The following SMOC2 variants were observed in gnomAD, a reference collection of about 807,000 sequenced individuals.
SMOC2 encodes the protein SPARC related modular calcium binding 2.
SMOC2 carries 39 observed loss-of-function variants against 61.4 expected under a neutral mutation model. The observed-to-expected ratio is 0.64, with a 90% CI of 0.49 to 0.83. SMOC2 has a LOEUF of 0.83. Among genes scored for constraint, SMOC2 ranks in the 40% least tolerant of loss-of-function variants. The pLI, the probability that SMOC2 is intolerant of heterozygous loss-of-function variation, is 0.00. For synonymous variants in SMOC2, 247 were observed against 239.9 expected, an observed-to-expected ratio of 1.03 and a Z score of -0.27; for missense variants, 556 against 592.9, an observed-to-expected ratio of 0.94 and a Z score of 0.65.
At chr6:168,567,801 T>C (rs1447860100) in intron 7 of SMOC2, among the ~76,000 whole-genome samples, 5 of 152,044 alleles carry the variant, frequency 3.3e-5, no homozygotes, top group Non-Finnish European at 5.9e-5. Flanking sequence ...ATTTAGTGCG[T>C]CTTCTCTTCA....
chr6:168,493,226 G>A (rs927469355), intron 1 of SMOC2, among the ~76,000 whole-genome samples: 17 of 152,010 alleles, frequency 1.1e-4, no homozygotes, highest in African/African-American at 1.9e-4. Context: ...TAGTAGAGAC[G>A]AGGTTCCACC....
chr6:168,599,508 T>TCACA (rs140540390), intron 8 of SMOC2, among the ~76,000 whole-genome samples: 12 of 54,570 alleles, frequency 2.2e-4, no homozygotes, highest in Non-Finnish European at 2.8e-4. Context: ...CCACTGACAC[T>TCACA]CACACACACA....
chr6:168,548,752 A>G (rs1784064880), intron 6 of SMOC2, among the ~76,000 whole-genome samples: 1 of 152,170 alleles, frequency 6.6e-6, no homozygotes, highest in African/African-American at 2.4e-5. Context: ...CACATATTGC[A>G]TTTTATAATG....
intron 1 of SMOC2, among the ~76,000 whole-genome samples, chr6:168,483,190 T>TACAC (rs748995842): frequency 6.6e-6 from 1 of 150,938 alleles, no homozygotes; most frequent in Non-Finnish European, 1.5e-5. Flanking sequence ...TACACACACA[T>TACAC]ACACACACAC....
intron 7 of SMOC2, among the ~76,000 whole-genome samples, chr6:168,579,486 A>C (rs1035185408): frequency 6.6e-6 from 1 of 152,238 alleles, no homozygotes; most frequent in Non-Finnish European, 1.5e-5. Context: ...CAAATATAAC[A>C]TCAGGTGACT....
intron 9 of SMOC2, among the ~76,000 whole-genome samples, chr6:168,625,140 C>T (rs1449581758): frequency 2.6e-5 from 4 of 152,220 alleles, no homozygotes; most frequent in South Asian, 4.1e-4. Flanking sequence ...CCCAAGGTCA[C>T]GAGATGCCTG....
At position 168,598,925 on chromosome 6, in the gene SMOC2, G is replaced by C; in HGVS notation, c.745G>C (p.Val249Leu). ...TGCGCACGGCGGCCTCTACAAGCCA[G>C]TGCAGTGCCACCCCTCCACGGGGTA... ...ECAHGGLYKP[V>L]QCHPSTGYCW... The change falls in exon 8 of 13, where the codon GTG becomes CTG. Residue 249 changes from valine (V) to leucine (L), a missense_variant. Coordinates refer to ENST00000356284, the MANE Select transcript of SMOC2 (RefSeq NM_001166412.2). 1 of 1,613,802 alleles carries C rather than the reference G, an allele frequency of 6.2e-7. No individual in the cohort carries two copies.
chr6:168,495,854 A>G (rs1057489146), intron 1 of SMOC2, among the ~76,000 whole-genome samples: 1 of 152,014 alleles, frequency 6.6e-6, no homozygotes, highest in African/African-American at 2.4e-5. Context: ...TGCACGGTTC[A>G]CCCACCCACA....
intron 9 of SMOC2, among the ~76,000 whole-genome samples, chr6:168,608,886 G>A (rs796575437): frequency 5.3e-5 from 8 of 152,252 alleles, no homozygotes; most frequent in African/African-American, 1.9e-4. Flanking sequence ...CAACATCTCA[G>A]AGACATGAAA....
intron 12 of SMOC2, among the ~76,000 whole-genome samples, chr6:168,666,112 G>GTATA (rs965489242): frequency 6.6e-6 from 1 of 152,122 alleles, no homozygotes; most frequent in African/African-American, 2.4e-5. Context: ...AATTATTTTT[G>GTATA]TATAATCAAG....
Position 168,667,957 on chromosome 6 carries a change from G to A in SMOC2, c.*1519G>A, listed in dbSNP as rs554413251. ...TTTCTGACCTTTGAATTTAATCATT[G>A]TTCTTAGATTAAAATAAAATATGCT... On this transcript the variant is annotated 3_prime_UTR_variant, in exon 13 of 13. Coordinates refer to ENST00000356284, the MANE Select transcript of SMOC2 (RefSeq NM_001166412.2). The A allele has an allele frequency of 2.5e-4, 38 of 151,910 alleles. No homozygotes were observed. The highest frequency in any genetic ancestry group is 4.7e-4 in the Non-Finnish European group (32 of 67,954). 9.4% of individuals were successfully genotyped at this position (151,910 alleles called of 1,614,324 possible).
Position 168,513,472 on chromosome 6 carries a change from CACACACATACAT to C in SMOC2, c.256+3394_256+3405del, listed in dbSNP as rs952650027. ...GGAGACACACACACACAAATACACA[CACACACATACAT>C]ACACACACACACACACACATAGACA... On this transcript the variant is annotated intron_variant, in intron 2 of 12. Coordinates refer to ENST00000356284, the MANE Select transcript of SMOC2 (RefSeq NM_001166412.2). Among the ~76,000 whole-genome samples the C allele has an allele frequency of 0.021, 118 of 5,598 alleles. No homozygotes were observed. The South Asian group carries it at 0.27, about 13-fold the overall frequency. 3.7% of individuals were successfully genotyped at this position (5,598 alleles called of 152,430 possible).
At chr6:168,536,092 C>T (rs749954458) in intron 4 of SMOC2, among the ~76,000 whole-genome samples, 2 of 152,212 alleles carry the variant, frequency 1.3e-5, no homozygotes, top group African/African-American at 2.4e-5. Flanking sequence ...GCAGGTCTGT[C>T]GTGTGGCCAA....
chr6:168,533,502 A>C (rs1042529586), intron 4 of SMOC2, among the ~76,000 whole-genome samples: 1 of 152,210 alleles, frequency 6.6e-6, no homozygotes, highest in African/African-American at 2.4e-5. Context: ...GACCCTACAT[A>C]GCTGAGGGAC....
chr6:168,524,642 G>A (rs1783411969), intron 2 of SMOC2, among the ~76,000 whole-genome samples: 1 of 152,302 alleles, frequency 6.6e-6, no homozygotes, highest in South Asian at 2.1e-4. Flanking sequence ...AAAACCACAG[G>A]TTATACTAAA....
At chr6:168,442,015 G>A (rs1781222782) in intron 1 of SMOC2, among the ~76,000 whole-genome samples, 1 of 152,242 alleles carries the variant, frequency 6.6e-6, no homozygotes, top group African/African-American at 2.4e-5. Flanking sequence ...GCCTCTCGCC[G>A]GCTGAAGGGG....
chr6:168,611,332 G>T (rs568775870), intron 9 of SMOC2, among the ~76,000 whole-genome samples: 35 of 37,896 alleles, frequency 9.2e-4, no homozygotes, highest in African/African-American at 3.9e-3. Context: ...TGGTTCCCAT[G>T]TCCGGGACCC....
chr6:168,645,381 C>A (rs1451711992), intron 9 of SMOC2, among the ~76,000 whole-genome samples: 3 of 152,098 alleles, frequency 2.0e-5, no homozygotes, highest in African/African-American at 4.8e-5. Flanking sequence ...AGCCTAAAAC[C>A]CACGGGGAAG....
chr6:168,628,311 T>C (rs972563316), intron 9 of SMOC2, among the ~76,000 whole-genome samples: 2 of 152,128 alleles, frequency 1.3e-5, no homozygotes, highest in African/African-American at 4.8e-5. Context: ...ACCTCCCAAA[T>C]AAAAACCGAG....
Sources: allele counts gnomAD v4.1 joint callset (sites outside exome capture counted in the v4.1 genomes callset), GRCh38; gene constraint gnomAD v4.1.1; transcripts MANE v1.5; gene names NCBI Gene and HGNC (gene_info 2026-07-23, HGNC 2026-07-21).